ERC2: variants seen among roughly 807,000 people sequenced by gnomAD.
ERC2 encodes the protein ELKS/RAB6-interacting/CAST family member 2, also known as ERC protein 2.
ERC2 carries 42 observed loss-of-function variants against 114.8 expected under a neutral mutation model. The observed-to-expected ratio is 0.37, with a 90% CI of 0.29 to 0.47. The LOEUF (loss-of-function observed/expected upper bound fraction) is 0.47, where lower values mean the gene tolerates loss of function less well. Ranked by LOEUF, ERC2 falls within the 20% of genes least tolerant of loss-of-function variation. ERC2 has a pLI of 0.99. For synonymous variants in ERC2, 454 were observed against 425.5 expected (o/e 1.07, Z -0.82); for missense variants, 939 against 1,150.7 (o/e 0.82, Z 2.66).
intron 14 of ERC2, among the ~76,000 whole-genome samples, chr3:55,869,218 GA>G (rs745856169): frequency 6.6e-6 from 1 of 152,112 alleles, no homozygotes; most frequent in Non-Finnish European, 1.5e-5. Context: ...AGAAGAATGT[GA>G]AAATGGAGGA....
At chr3:56,284,976 CTCAA>C (rs1169421947) in intron 3 of ERC2, among the ~76,000 whole-genome samples, 1 of 149,582 alleles carries the variant, frequency 6.7e-6, no homozygotes, top group African/African-American at 2.5e-5. Flanking sequence ...CTCTATCAAT[CTCAA>C]TCACTCTGTC....
chr3:55,952,172 C>CTATATATATAT (rs1559922574), intron 12 of ERC2, among the ~76,000 whole-genome samples: 1 of 58,910 alleles, frequency 1.7e-5, no homozygotes, highest in Admixed American at 1.9e-4. Flanking sequence ...CACACACACA[C>CTATATATATAT]ACACACACTC....
At chr3:55,938,949 T>A (rs12107629) in intron 13 of ERC2, among the ~76,000 whole-genome samples, 3,669 of 152,230 alleles carry the variant, frequency 0.024, 159 homozygotes, top group African/African-American at 0.083. Context: ...TCAATTTTTT[T>A]AAAAAAAATT....
intron 17 of ERC2, among the ~76,000 whole-genome samples, chr3:55,622,102 C>T (rs1057394488): frequency 1.3e-5 from 2 of 152,212 alleles, no homozygotes; most frequent in African/African-American, 4.8e-5. Context: ...CTGGCACTGT[C>T]AAATTCCCCA....
At chr3:56,082,940 GATCT>G (rs2077313274) in intron 6 of ERC2, among the ~76,000 whole-genome samples, 2 of 152,200 alleles carry the variant, frequency 1.3e-5, no homozygotes, top group African/African-American at 4.8e-5. Context: ...AATGCCTGAT[GATCT>G]GAGGTGGAAC....
chr3:55,535,060 G>A lies in ERC2; in HGVS notation c.*40-23784C>T, dbSNP rs559655427. 5.3e-5 allele frequency among the ~76,000 whole-genome samples: 8 copies of A among 152,310 alleles called. No homozygotes were observed. In the East Asian group the frequency reaches 1.5e-3, roughly 29 times the overall value. On this transcript the variant is annotated intron_variant, in intron 17 of 17. Coordinates refer to ENST00000288221, the MANE Select transcript of ERC2 (RefSeq NM_015576.3). ...TGTGGCCATTTCCACCAGGGTTCCT[G>A]CTGTGGCCATGACTCATCCCAGGTG...
intron 13 of ERC2, among the ~76,000 whole-genome samples, chr3:55,902,962 T>C (rs2064223707): frequency 6.6e-6 from 1 of 152,228 alleles, no homozygotes; most frequent in African/African-American, 2.4e-5. Flanking sequence ...ATGCTTAAAA[T>C]CAGCAACTTT....
chr3:56,364,587 A>G (rs2059081796), intron 2 of ERC2, among the ~76,000 whole-genome samples: 2 of 152,226 alleles, frequency 1.3e-5, no homozygotes, highest in Non-Finnish European at 2.9e-5. Context: ...CCTAACTGCT[A>G]ACAGAGATTA....
chr3:55,931,177 T>G (rs2066058914), intron 13 of ERC2, among the ~76,000 whole-genome samples: 1 of 152,198 alleles, frequency 6.6e-6, no homozygotes, highest in South Asian at 2.1e-4. Context: ...GTTCAACCAT[T>G]GTGGAAGACA....
intron 7 of ERC2, among the ~76,000 whole-genome samples, chr3:56,047,193 T>G (rs2075517472): frequency 6.6e-6 from 1 of 152,244 alleles, no homozygotes; most frequent in South Asian, 2.1e-4. Flanking sequence ...TCTTTTATTG[T>G]CCAAGGCAGC....
chr3:55,966,745 C>T lies in ERC2; in HGVS notation c.2268-16185G>A, dbSNP rs573809213. Among the ~76,000 whole-genome samples, 4 of 152,240 alleles carry T rather than the reference C, an allele frequency of 2.6e-5. No individual in the cohort carries two copies. In the South Asian group the frequency reaches 8.3e-4, roughly 32 times the overall value. On this transcript the variant is annotated intron_variant, in intron 12 of 17. Coordinates refer to ENST00000288221, the MANE Select transcript of ERC2 (RefSeq NM_015576.3). ...CTAATTCCCTGTTATCAGAGCTAAC[C>T]ATGATAATCCTACCACCAAAAAGAA... is the stretch of plus-strand genomic sequence containing the variant.
chr3:55,857,467 G>C (rs1049181523), intron 14 of ERC2, among the ~76,000 whole-genome samples: 1 of 152,002 alleles, frequency 6.6e-6, no homozygotes, highest in African/African-American at 2.4e-5. Flanking sequence ...ATACAATTCA[G>C]TGGCATCAAT....
At chr3:55,592,515 G>A (rs1466349106) in intron 17 of ERC2, among the ~76,000 whole-genome samples, 4 of 152,196 alleles carry the variant, frequency 2.6e-5, no homozygotes. Context: ...GGAGGGGATG[G>A]AAGGGAGGAG....
rs553633184 is a variant in ERC2, at chr3:56,174,218, TA to T, written c.1075-699del. Reference sequence around the variant, plus strand: ...GAACGATGATGAACATTTCTTTAGGTAAAAAGCAAACAACATAATTACAACT... The same window carrying T: ...GAACGATGATGAACATTTCTTTAGGTAAAAGCAAACAACATAATTACAACT... On this transcript the variant is annotated intron_variant, in intron 3 of 17. Transcript: ENST00000288221. Among the ~76,000 whole-genome samples the T allele has an allele frequency of 5.0e-3, 761 of 152,336 alleles. 1 individual carries two copies. The highest frequency in any genetic ancestry group is 6.3e-3 in the Non-Finnish European group (431 of 68,024).
intron 7 of ERC2, among the ~76,000 whole-genome samples, chr3:56,053,010 G>A (rs143884585): frequency 9.7e-4 from 148 of 152,284 alleles, no homozygotes; most frequent in African/African-American, 3.3e-3. Context: ...AAGGGAAGAA[G>A]CTGAACACAT....
At chr3:56,443,587 C>T (rs931589948) in intron 1 of ERC2, among the ~76,000 whole-genome samples, 4 of 152,202 alleles carry the variant, frequency 2.6e-5, no homozygotes, top group East Asian at 1.9e-4. Flanking sequence ...GTCACTCGCA[C>T]CCTCCCCCAT....
chr3:56,397,654 T>C (rs2060362795), intron 2 of ERC2, among the ~76,000 whole-genome samples: 3 of 152,226 alleles, frequency 2.0e-5, no homozygotes, highest in Admixed American at 2.0e-4. Flanking sequence ...CCCACAGATA[T>C]CAAGTTTGTG....
chr3:56,180,549 G>A (rs1360656725), intron 3 of ERC2, among the ~76,000 whole-genome samples: 1 of 152,180 alleles, frequency 6.6e-6, no homozygotes, highest in Non-Finnish European at 1.5e-5. Context: ...TATGTTAAGT[G>A]AAATAAGCCA....
At chr3:56,091,964 G>A (rs2077817206) in intron 6 of ERC2, among the ~76,000 whole-genome samples, 1 of 151,174 alleles carries the variant, frequency 6.6e-6, no homozygotes. Context: ...CTTGACAAGA[G>A]AAAAAAAACC....
Sources: allele counts gnomAD v4.1 joint callset (sites outside exome capture counted in the v4.1 genomes callset), GRCh38; gene constraint gnomAD v4.1.1; transcripts MANE v1.5; gene names NCBI Gene and HGNC (gene_info 2026-07-23, HGNC 2026-07-21).